TCP10L: variants seen among roughly 807,000 people sequenced by gnomAD.
The protein encoded by TCP10L is t-complex 10 like.
TCP10L carries 11 observed loss-of-function variants against 19.2 expected under a neutral mutation model. That is an observed-to-expected ratio of 0.57 (90% CI 0.36 to 0.95). The LOEUF is 0.95. Ranked by LOEUF, TCP10L falls within the 40% of genes least tolerant of loss-of-function variation. The pLI, the probability that TCP10L is intolerant of heterozygous loss-of-function variation, is 0.01. For missense variants in TCP10L, 247 were observed against 263.9 expected (o/e 0.94, Z 0.44); for synonymous variants, 96 against 97.2 (o/e 0.99, Z 0.07).
intron 4 of TCP10L, chr21:32,577,737 C>A: frequency 6.6e-6 from 1 of 152,314 alleles, no homozygotes. Flanking sequence ...CAGGAAGACC[C>A]TAACCCAGCA....
rs2038401792 is a variant in TCP10L at position 32,573,788 on chromosome 21, G to A, written c.*2986C>T. Among the ~76,000 whole-genome samples the A allele has an allele frequency of 1.3e-5, 2 of 152,066 alleles. No individual in the cohort carries two copies. Among genetic ancestry groups the A allele is most frequent in the Admixed American group, 1.3e-4 (2 of 15,278 alleles). Reference sequence around the variant, plus strand: ...CTTATATGTTTGCTCTGGGGTCAGGGTGGCCACAGTGACAACCGCCACATT... The same window carrying A: ...CTTATATGTTTGCTCTGGGGTCAGGATGGCCACAGTGACAACCGCCACATT... On this transcript the variant is annotated 3_prime_UTR_variant, in exon 5 of 5. Coordinates refer to ENST00000300258, the MANE Select transcript of TCP10L (RefSeq NM_144659.7).
rs765381061 is a variant in TCP10L at position 32,584,134 on chromosome 21, A to G, written c.144+27T>C. ...ATCAGGGTCCCGCCTGGTGGGACTA[A>G]CTCTGTCCCCACAGAGCTCAACTCA... On this transcript the variant is annotated intron_variant, in intron 2 of 4. Coordinates refer to ENST00000300258, the MANE Select transcript of TCP10L (RefSeq NM_144659.7). 3.1e-6 allele frequency: 5 copies of G among 1,599,800 alleles called. No individual in the cohort carries two copies. In the Admixed American group the frequency reaches 5.1e-5, roughly 16 times the overall value.
rs914125079 is a variant in TCP10L at position 32,578,551 on chromosome 21, G to A, written c.498+143C>T. On this transcript the variant is annotated intron_variant, in intron 4 of 4. Transcript: ENST00000300258. The surrounding 1 kb of genome is among the most constrained non-coding windows in gnomAD (Gnocchi z 4.2). ...GATCTTGTTTGAAAGGCATGTACCC[G>A]TGTCCTTGGAAGAACACAGGACTCC... is the stretch of plus-strand genomic sequence containing the variant. 4.4e-5 allele frequency: 56 copies of A among 1,266,590 alleles called. No individual in the cohort carries two copies. Among genetic ancestry groups the A allele is most frequent in the Non-Finnish European group, 2.4e-5 (22 of 911,244 alleles). 78.5% of individuals were successfully genotyped at this position (1,266,590 alleles called of 1,614,324 possible).
chr21:32,577,050 C>T (rs1199723613), intron 4 of TCP10L, 127 bp from the exon 5 acceptor site: 2 of 963,770 alleles, frequency 2.1e-6, no homozygotes, highest in Non-Finnish European at 3.0e-6. Flanking sequence ...CAGAAGGACA[C>T]ATGAGGTATC....
Position 32,582,159 on chromosome 21 carries a change from A to G in TCP10L, c.360+41T>C. On this transcript the variant is annotated intron_variant, in intron 3 of 4. Transcript: ENST00000300258. This position sits in a 1 kb window ranked among gnomAD's most constrained non-coding sequence, Gnocchi z 4.2. ...ATCTTTATGGGGACGCTATTTTTAC[A>G]TAACGCAAACGGTACAAAAACATAA... The G allele has an allele frequency of 5.6e-6, 9 of 1,602,126 alleles. No individual in the cohort carries two copies. Among genetic ancestry groups the G allele is most frequent in the East Asian group, 4.5e-5 (2 of 44,704 alleles).
rs2038436209 is a variant in TCP10L at position 32,576,562 on chromosome 21, T to C, written c.*212A>G. ...AAAGCAACTGATTTATAAAACCCAA[T>C]CCAAGTTGTTTGCTTTTATAGCATT... On this transcript the variant is annotated 3_prime_UTR_variant, in exon 5 of 5. Coordinates refer to ENST00000300258, the MANE Select transcript of TCP10L (RefSeq NM_144659.7). 1.6e-6 allele frequency: 1 copy of C among 627,006 alleles called. No homozygotes were observed. The highest frequency in any genetic ancestry group is 2.7e-6 in the Non-Finnish European group (1 of 371,468). The allele number at this position is 627,006 out of a possible 1,614,324, so 38.8% of individuals were successfully genotyped here.
At chr21:32,584,690 G>A (rs1477873706) in intron 1 of TCP10L, among the ~76,000 whole-genome samples, 2 of 152,116 alleles carry the variant, frequency 1.3e-5, no homozygotes, top group Non-Finnish European at 2.9e-5. Flanking sequence ...ATGTGAGCAC[G>A]ATGGTCTTGG....
At chr21:32,580,581 C>T (rs1397053161) in intron 3 of TCP10L, among the ~76,000 whole-genome samples, 3 of 151,980 alleles carry the variant, frequency 2.0e-5, no homozygotes, top group Admixed American at 1.3e-4. Flanking sequence ...AAAGTTCACA[C>T]AATAAATGCA....
intron 3 of TCP10L, among the ~76,000 whole-genome samples, chr21:32,580,421 G>A (rs930864068): frequency 2.7e-5 from 4 of 150,776 alleles, no homozygotes; most frequent in African/African-American, 9.7e-5. Context: ...TGTTTTTGCT[G>A]TGCTTGGAGA....
At position 32,582,566 on chromosome 21, in the gene TCP10L, TTTTC is replaced by T; in HGVS notation, c.145-155_145-152del. On this transcript the variant is annotated intron_variant, in intron 2 of 4. Transcript: ENST00000300258. This position sits in a 1 kb window ranked among gnomAD's most constrained non-coding sequence, Gnocchi z 4.2. ...GAGATAAACAGGACTACCACAGCCT[TTTTC>T]TTTCTTCTTTCTTTCCTTTCTTTCT... The T allele has an allele frequency of 1.5e-6, 1 of 648,302 alleles. No individual in the cohort carries two copies. Among genetic ancestry groups the T allele is most frequent in the South Asian group, 2.2e-5 (1 of 45,312 alleles). 40.2% of individuals were successfully genotyped at this position (648,302 alleles called of 1,614,324 possible).
chr21:32,579,217 A>G lies in TCP10L; in HGVS notation c.361-386T>C, dbSNP rs191176537. Among the ~76,000 whole-genome samples, 148 of 152,352 alleles carry G rather than the reference A, an allele frequency of 9.7e-4. 1 individual carries two copies. The highest frequency in any genetic ancestry group is 3.4e-3 in the African/African-American group (141 of 41,588). On this transcript the variant is annotated intron_variant, in intron 3 of 4. Coordinates refer to ENST00000300258, the MANE Select transcript of TCP10L (RefSeq NM_144659.7). The stretch of plus-strand genomic sequence containing the variant: ...GTGTTGTCTCTACAACTTGTCTAAG[A>G]TCCAAAATGCAAATTCCCAACTTTC...
At position 32,576,561 on chromosome 21, in the gene TCP10L, A is replaced by G; in HGVS notation, c.*213T>C. On this transcript the variant is annotated 3_prime_UTR_variant, in exon 5 of 5. Coordinates refer to ENST00000300258, the MANE Select transcript of TCP10L (RefSeq NM_144659.7). ...GAAAGCAACTGATTTATAAAACCCA[A>G]TCCAAGTTGTTTGCTTTTATAGCAT... is the stretch of plus-strand genomic sequence containing the variant. 1 of 628,410 alleles carries G rather than the reference A, an allele frequency of 1.6e-6. No homozygotes were observed. Among genetic ancestry groups the G allele is most frequent in the Non-Finnish European group, 2.7e-6 (1 of 372,636 alleles). 38.9% of individuals were successfully genotyped at this position (628,410 alleles called of 1,614,324 possible). A position where few individuals can be genotyped will look rare whatever the true frequency, so the allele number is the denominator to read the frequency against.
Position 32,584,087 on chromosome 21 carries a change from A to G in TCP10L, c.144+74T>C, listed in dbSNP as rs563301219. ...CAGGGGTCCAGCAAGGGAAAGTCCA[A>G]TGACGGGCCTCAGGGACAGGAATCA... On this transcript the variant is annotated intron_variant, in intron 2 of 4. Coordinates refer to ENST00000300258, the MANE Select transcript of TCP10L (RefSeq NM_144659.7). 1.8e-5 allele frequency: 27 copies of G among 1,531,266 alleles called. No homozygotes were observed. The South Asian group carries it at 3.2e-4, about 18-fold the overall frequency. 94.9% of individuals were successfully genotyped at this position (1,531,266 alleles called of 1,614,324 possible). A position where few individuals can be genotyped will look rare whatever the true frequency, so the allele number is the denominator to read the frequency against.
intron 1 of TCP10L, 60 bp downstream of exon 1, chr21:32,585,361 C>G (rs187529962): frequency 2.2e-5 from 5 of 222,918 alleles, no homozygotes; most frequent in Non-Finnish European, 4.6e-5. Context: ...AAACTCATGA[C>G]CCCCTCAGTC....
At chr21:32,579,058 G>A (rs1044675829) in intron 3 of TCP10L, among the ~76,000 whole-genome samples, 1 of 152,152 alleles carries the variant, frequency 6.6e-6, no homozygotes, top group Non-Finnish European at 1.5e-5. Context: ...TTCTTATTGT[G>A]GTTCCTTGTT....
rs988837432 is a variant in TCP10L, at chr21:32,584,026, A to C, written c.144+135T>G. On this transcript the variant is annotated intron_variant, in intron 2 of 4. Coordinates refer to ENST00000300258, the MANE Select transcript of TCP10L (RefSeq NM_144659.7). ...AGAGCCACATGCCCCTTGGAGAGGA[A>C]GTACAGAATCAGTGTCCCGGGGTGG... 7.0e-5 allele frequency: 82 copies of C among 1,179,600 alleles called. No individual in the cohort carries two copies. The African/African-American group carries it at 1.2e-3, about 17-fold the overall frequency. 73.1% of individuals were successfully genotyped at this position (1,179,600 alleles called of 1,614,324 possible). A position where few individuals can be genotyped will look rare whatever the true frequency, so the allele number is the denominator to read the frequency against.
chr21:32,583,856 T>A (rs2038526761), intron 2 of TCP10L, among the ~76,000 whole-genome samples: 1 of 152,328 alleles, frequency 6.6e-6, no homozygotes, highest in East Asian at 1.9e-4. Context: ...ATGTGAGGCA[T>A]GTCAACTTTC....
intron 3 of TCP10L, among the ~76,000 whole-genome samples, chr21:32,581,952 G>A (rs2038499096): frequency 6.6e-6 from 1 of 152,106 alleles, no homozygotes; most frequent in African/African-American, 2.4e-5. Flanking sequence ...TAGAATTCTG[G>A]ACTTGAGACA....
chr21:32,582,585 CCTTT>C lies in TCP10L; in HGVS notation c.145-174_145-171del, dbSNP rs1191455753. Among the ~76,000 whole-genome samples, 5 of 151,202 alleles carry C rather than the reference CCTTT, an allele frequency of 3.3e-5. No homozygotes were observed. Among genetic ancestry groups the C allele is most frequent in the Admixed American group, 6.6e-5 (1 of 15,164 alleles). ...CAGCCTTTTTCTTTCTTCTTTCTTT[CCTTT>C]CTTTCTTTCTTTTCTTTTCTTTTTT... On this transcript the variant is annotated intron_variant, in intron 2 of 4. Coordinates refer to ENST00000300258, the MANE Select transcript of TCP10L (RefSeq NM_144659.7). This position sits in a 1 kb window ranked among gnomAD's most constrained non-coding sequence, Gnocchi z 4.2.
Sources: allele counts gnomAD v4.1 joint callset (sites outside exome capture counted in the v4.1 genomes callset), GRCh38; gene constraint gnomAD v4.1.1; non-coding constraint Gnocchi (gnomAD v3.1); transcripts MANE v1.5; gene names NCBI Gene and HGNC (gene_info 2026-07-23, HGNC 2026-07-21).